Variants in CHD1 observed in about 807,000 individuals in gnomAD.
CHD1 encodes chromodomain helicase DNA binding protein 1.
In CHD1, 36 loss-of-function variants were observed where a neutral mutation model predicts 224.2. The ratio of observed to expected loss-of-function variants is 0.16; its 90% CI spans 0.12 to 0.21. CHD1 has a LOEUF of 0.21. Ranked by LOEUF, CHD1 falls within the 10% of genes least tolerant of loss-of-function variation. The probability of loss-of-function intolerance (pLI) is 1.00; values close to 1 mark genes in which losing one functional copy is unlikely to be tolerated. For synonymous variants in CHD1, 668 were observed against 658.3 expected (o/e 1.01, Z -0.23); for missense variants, 1,378 against 1,994.8 (o/e 0.69, Z 5.89).
intron 32 of CHD1, among the ~76,000 whole-genome samples, chr5:98,862,393 A>G (rs1748547909): frequency 6.6e-6 from 1 of 152,190 alleles, no homozygotes; most frequent in Non-Finnish European, 1.5e-5. Flanking sequence ...GTGAGAGCAC[A>G]GCCTTAGGAT....
chr5:98,901,738 CAT>C (rs1751727543), intron 5 of CHD1, among the ~76,000 whole-genome samples: 1 of 136,516 alleles, frequency 7.3e-6, no homozygotes, highest in East Asian at 2.0e-4. Context: ...CATTAAGAAA[CAT>C]AGAAAAATTA....
chr5:98,918,565 C>G (rs998859715), intron 2 of CHD1, among the ~76,000 whole-genome samples: 3 of 150,418 alleles, frequency 2.0e-5, no homozygotes, highest in African/African-American at 7.3e-5. Flanking sequence ...GTCAGGAGAT[C>G]GAGACTATCC....
intron 2 of CHD1, among the ~76,000 whole-genome samples, chr5:98,911,793 T>C (rs1250792286): frequency 1.3e-5 from 2 of 152,320 alleles, no homozygotes; most frequent in East Asian, 1.9e-4. Context: ...AACTAGCTTA[T>C]AGTCTTTCAA....
intron 2 of CHD1, among the ~76,000 whole-genome samples, chr5:98,925,130 GT>G (rs746820372): frequency 5.9e-5 from 9 of 151,798 alleles, no homozygotes; most frequent in South Asian, 4.2e-4. Flanking sequence ...TGTAATTAAT[GT>G]TTTTTTTATA....
At chr5:98,911,721 C>G (rs566320137) in intron 2 of CHD1, among the ~76,000 whole-genome samples, 1 of 152,232 alleles carries the variant, frequency 6.6e-6, no homozygotes, top group South Asian at 2.1e-4. Context: ...GAATGCATAA[C>G]TTGGATCTAA....
intron 2 of CHD1, among the ~76,000 whole-genome samples, chr5:98,916,303 T>A (rs1752726715): frequency 6.6e-6 from 1 of 152,138 alleles, no homozygotes; most frequent in South Asian, 2.1e-4. Context: ...CCCAGCACTT[T>A]GGGAGGCCAA....
intron 2 of CHD1, among the ~76,000 whole-genome samples, chr5:98,916,825 A>C (rs1417223336): frequency 2.0e-5 from 3 of 152,150 alleles, no homozygotes; most frequent in Non-Finnish European, 2.9e-5. Flanking sequence ...CCTTCACTAT[A>C]AAATACATTC....
intron 3 of CHD1, 137 bp from the exon 4 acceptor site, chr5:98,904,045 C>A: frequency 1.7e-6 from 1 of 587,190 alleles, no homozygotes. Context: ...ATATGTAACA[C>A]AATTATCATT....
chr5:98,896,459 A>C lies in CHD1; in HGVS notation c.1494-17T>G. 1 of 1,556,586 alleles carries C rather than the reference A, an allele frequency of 6.4e-7. No individual in the cohort carries two copies. The highest frequency in any genetic ancestry group is 8.8e-7 in the Non-Finnish European group (1 of 1,134,352). On this transcript the variant is annotated splice_polypyrimidine_tract_variant and intron_variant, in intron 11 of 35. Coordinates refer to ENST00000614616, the MANE Select transcript of CHD1 (RefSeq NM_001270.4). The stretch of plus-strand genomic sequence containing the variant: ...CTATTTCCTCTACAAAGTTAAAAAA[A>C]AATTAGCATGCAAGGAAATATTCAA...
rs769866506 is a variant in CHD1, at chr5:98,893,436, T to G, written c.1971A>C (p.Leu657=). 2 of 1,595,342 alleles carry G rather than the reference T, an allele frequency of 1.3e-6. No homozygotes were observed. Among genetic ancestry groups the G allele is most frequent in the Non-Finnish European group, 1.7e-6 (2 of 1,173,112 alleles). ...CTTACTTTTCTGGCATAATGAAATG[T>G]AGCAAAGACCAGAGCTCTTTGAGGG... The part of the protein sequence containing the change: ...QNSLKELWSL[L]HFIMPEKFSS... The change falls in exon 14 of 36, where the codon CTA becomes CTC. Residue 657 remains leucine, a synonymous_variant. Transcript: ENST00000614616.
intron 2 of CHD1, among the ~76,000 whole-genome samples, chr5:98,915,322 A>G (rs554554695): frequency 2.0e-5 from 3 of 152,312 alleles, no homozygotes; most frequent in African/African-American, 7.2e-5. Context: ...TGTATTATAA[A>G]CTCTGCTTAA....
Position 98,863,870 on chromosome 5 carries a change from T to C in CHD1, c.4249-284A>G, listed in dbSNP as rs560526040. On this transcript the variant is annotated intron_variant, in intron 31 of 35. Transcript: ENST00000614616. ...CTACAAAAATGGTTATTTTTTATAT[T>C]GTAGCACACTATTCTAAGGAGTCTT... 2.6e-5 allele frequency among the ~76,000 whole-genome samples: 4 copies of C among 152,324 alleles called. No homozygotes were observed. In the South Asian group the frequency reaches 8.3e-4, roughly 32 times the overall value.
At chr5:98,889,052 G>T (rs753033442) in intron 16 of CHD1, 24 bp downstream of exon 16, 1 of 1,495,276 alleles carries the variant, frequency 6.7e-7, no homozygotes, top group Non-Finnish European at 9.2e-7. Flanking sequence ...TTATCACAAA[G>T]AAACAACATT....
rs72775615 is a variant in CHD1, at chr5:98,862,364, C to A, written c.4427+1044G>T. 7.2e-3 allele frequency among the ~76,000 whole-genome samples: 1,092 copies of A among 152,186 alleles called. 4 individuals carry two copies. The highest frequency in any genetic ancestry group is 0.023 in the South Asian group (109 of 4,818). On this transcript the variant is annotated intron_variant, in intron 32 of 35. Coordinates refer to ENST00000614616, the MANE Select transcript of CHD1 (RefSeq NM_001270.4). Reference sequence around the variant, plus strand: ...AAAACCAAAAAGGTAATCTGCCCAACTGAGTAAAGAAAAGTGAGGTGAGAG... The same window carrying A: ...AAAACCAAAAAGGTAATCTGCCCAAATGAGTAAAGAAAAGTGAGGTGAGAG...
intron 2 of CHD1, among the ~76,000 whole-genome samples, chr5:98,916,174 A>T (rs1055098973): frequency 3.9e-5 from 6 of 152,126 alleles, no homozygotes; most frequent in African/African-American, 1.4e-4. Context: ...CCTAGGCAAC[A>T]AGAGCAAAAC....
At chr5:98,890,482 A>G (rs1262986740) in intron 15 of CHD1, among the ~76,000 whole-genome samples, 1 of 152,210 alleles carries the variant, frequency 6.6e-6, no homozygotes, top group Non-Finnish European at 1.5e-5. Flanking sequence ...GAATTTTTCC[A>G]GAAATTTATG....
chr5:98,882,966 G>T (rs1302213740), intron 19 of CHD1, 122 bp downstream of exon 19: 1 of 583,602 alleles, frequency 1.7e-6, no homozygotes, highest in Non-Finnish European at 2.6e-6. Context: ...GTATCCTATC[G>T]GTTAAACAGT....
At chr5:98,881,623 C>T (rs1750196119) in intron 20 of CHD1, among the ~76,000 whole-genome samples, 1 of 152,048 alleles carries the variant, frequency 6.6e-6, no homozygotes, top group Non-Finnish European at 1.5e-5. Flanking sequence ...GATCCTCCCA[C>T]CTCAGCCTCC....
At chr5:98,901,593 T>C (rs916829308) in intron 5 of CHD1, among the ~76,000 whole-genome samples, 9 of 152,160 alleles carry the variant, frequency 5.9e-5, no homozygotes, top group Admixed American at 4.6e-4. Context: ...TAATTTTCAT[T>C]ATAGATGAAA....
Sources: gnomAD v4.1 joint callset for allele counts (sites outside exome capture counted in the v4.1 genomes callset) on GRCh38, gnomAD v4.1.1 for gene constraint, MANE v1.5 for transcripts, NCBI Gene and HGNC (gene_info 2026-07-23, HGNC 2026-07-21) for gene names.